The following NTM variants were observed in gnomAD, a reference collection of about 807,000 sequenced individuals.
NTM encodes neurotrimin.
In NTM, 13 loss-of-function variants were observed where a neutral mutation model predicts 42.1. The ratio of observed to expected loss-of-function variants is 0.31; its 90% confidence interval spans 0.20 to 0.49. NTM has a LOEUF of 0.49. Among genes scored for constraint, NTM ranks in the 20% least tolerant of loss-of-function variants. The pLI, the probability that NTM is intolerant of heterozygous loss-of-function variation, is 0.99. For missense variants in NTM, 373 were observed against 452.8 expected (o/e 0.82, Z 1.60); for synonymous variants, 187 against 179.2 (o/e 1.04, Z -0.35).
intron 4 of NTM, among the ~76,000 whole-genome samples, chr11:132,241,676 C>T (rs1269037338): frequency 6.6e-6 from 1 of 152,206 alleles, no homozygotes; most frequent in African/African-American, 2.4e-5. Context: ...TTCCGTACTC[C>T]TAATACTAAA....
intron 2 of NTM, among the ~76,000 whole-genome samples, chr11:132,033,546 A>G (rs544404262): frequency 1.3e-5 from 2 of 152,230 alleles, no homozygotes; most frequent in Non-Finnish European, 2.9e-5. Context: ...AGATCTGACT[A>G]GCAGAAGGAA....
At chr11:131,634,815 C>T (rs2064160781) in intron 1 of NTM, among the ~76,000 whole-genome samples, 1 of 152,094 alleles carries the variant, frequency 6.6e-6, no homozygotes, top group Non-Finnish European at 1.5e-5. Flanking sequence ...CTCTGTTTTG[C>T]ATACTTGTAA....
At chr11:131,908,714 T>C (rs1320895906) in intron 1 of NTM, among the ~76,000 whole-genome samples, 1 of 152,262 alleles carries the variant, frequency 6.6e-6, no homozygotes, top group Non-Finnish European at 1.5e-5. Flanking sequence ...TCAGCAAACA[T>C]ATCTCACAGC....
intron 1 of NTM, chr11:131,538,684 A>G (rs1366420525): frequency 6.6e-6 from 1 of 152,244 alleles, no homozygotes; most frequent in East Asian, 1.9e-4. Context: ...AGCAGTAAGG[A>G]GCAAAGTGCC....
intron 1 of NTM, among the ~76,000 whole-genome samples, chr11:131,388,411 A>ATTTGGGT (rs1361286884): frequency 1.4e-5 from 2 of 143,548 alleles, no homozygotes; most frequent in Non-Finnish European, 3.0e-5. Flanking sequence ...ACTAAAAGAC[A>ATTTGGGT]TTTGGGTTTT....
At chr11:131,812,183 C>CTCTCTCTCTCTCTCT (rs2092758577) in intron 1 of NTM, among the ~76,000 whole-genome samples, 1 of 142,956 alleles carries the variant, frequency 7.0e-6, no homozygotes, top group African/African-American at 2.8e-5. Flanking sequence ...AATTAGTCAG[C>CTCTCTCTCTCTCTCT]CTCTCTCTCT....
At chr11:131,974,235 T>C (rs1438422260) in intron 2 of NTM, among the ~76,000 whole-genome samples, 2 of 152,204 alleles carry the variant, frequency 1.3e-5, no homozygotes, top group Non-Finnish European at 2.9e-5. Flanking sequence ...TTCAACTATA[T>C]GGGGGCTTGG....
intron 3 of NTM, among the ~76,000 whole-genome samples, chr11:132,166,360 A>G (rs79530564): frequency 1.3e-5 from 2 of 152,136 alleles, no homozygotes; most frequent in South Asian, 2.1e-4. Flanking sequence ...CTCACCCACG[A>G]TAATCTAGAG....
At chr11:132,277,441 G>C (rs148891594) in intron 4 of NTM, among the ~76,000 whole-genome samples, 3 of 152,176 alleles carry the variant, frequency 2.0e-5, no homozygotes, top group Non-Finnish European at 4.4e-5. Context: ...ATGAAAGGTG[G>C]CATTGCAATG....
intron 1 of NTM, among the ~76,000 whole-genome samples, chr11:131,888,732 G>C (rs1412293182): frequency 6.6e-6 from 1 of 152,068 alleles, no homozygotes; most frequent in East Asian, 1.9e-4. Flanking sequence ...CAGAACAATT[G>C]CTCATCCACA....
chr11:132,020,663 C>T (rs754209463), intron 2 of NTM, among the ~76,000 whole-genome samples: 16 of 151,896 alleles, frequency 1.1e-4, no homozygotes, highest in South Asian at 2.1e-4. Context: ...ACTAAATTTC[C>T]GGTTAATAGT....
chr11:131,646,410 T>G (rs998517808), intron 1 of NTM, among the ~76,000 whole-genome samples: 1 of 152,212 alleles, frequency 6.6e-6, no homozygotes, highest in Non-Finnish European at 1.5e-5. Flanking sequence ...CAAGTCCAGC[T>G]TTCTTCCCCA....
intron 7 of NTM, among the ~76,000 whole-genome samples, chr11:132,317,437 G>C (rs1412458329): frequency 1.3e-5 from 2 of 152,116 alleles, no homozygotes; most frequent in African/African-American, 4.8e-5. Flanking sequence ...TGCCTTCCCA[G>C]TCACGGCATT....
chr11:131,823,662 G>A (rs1318335280), intron 1 of NTM, among the ~76,000 whole-genome samples: 1 of 152,130 alleles, frequency 6.6e-6, no homozygotes, highest in African/African-American at 2.4e-5. Context: ...TAATGTTCTT[G>A]CTTAATTGAA....
intron 1 of NTM, among the ~76,000 whole-genome samples, chr11:131,711,891 C>T (rs1443279974): frequency 6.8e-6 from 1 of 146,506 alleles, no homozygotes; most frequent in East Asian, 2.0e-4. Context: ...ACAAAAAAAC[C>T]AAACACCGCA....
intron 1 of NTM, among the ~76,000 whole-genome samples, chr11:131,789,631 GAA>G (rs1237466007): frequency 1.9e-4 from 16 of 84,658 alleles, no homozygotes; most frequent in South Asian, 3.4e-4. Context: ...AGAAGAAGAA[GAA>G]GAAAAGAAGA....
intron 1 of NTM, among the ~76,000 whole-genome samples, chr11:131,609,038 G>A (rs1440926884): frequency 6.6e-6 from 1 of 152,206 alleles, no homozygotes; most frequent in African/African-American, 2.4e-5. Context: ...CTATTCGCAT[G>A]CCCAACAGTT....
intron 4 of NTM, among the ~76,000 whole-genome samples, chr11:132,298,841 A>G (rs1034872085): frequency 1.3e-5 from 2 of 152,212 alleles, no homozygotes; most frequent in African/African-American, 4.8e-5. Context: ...AATATGTGTC[A>G]GGATCTATGA....
chr11:131,503,981 G>T (rs7114205), intron 1 of NTM, among the ~76,000 whole-genome samples: 8 of 152,024 alleles, frequency 5.3e-5, no homozygotes, highest in African/African-American at 1.9e-4. Flanking sequence ...AAGGCCAGGC[G>T]GGTCAGAGCA....
Sources: allele counts gnomAD v4.1 joint callset (sites outside exome capture counted in the v4.1 genomes callset), GRCh38; gene constraint gnomAD v4.1.1; transcripts MANE v1.5; gene names NCBI Gene and HGNC (gene_info 2026-07-23, HGNC 2026-07-21).